LMNTD1: variants seen among roughly 807,000 people sequenced by gnomAD.
LMNTD1 encodes lamin tail domain containing 1, also known as lamin tail domain-containing protein 1.
Under a neutral mutation model 50.9 loss-of-function variants are expected in LMNTD1, and 35 were observed. The observed-to-expected ratio is 0.69, with a 90% CI of 0.53 to 0.91. The LOEUF (loss-of-function observed/expected upper bound fraction) is 0.91. Ranked by LOEUF, LMNTD1 falls within the 40% of genes least tolerant of loss-of-function variation. The probability of loss-of-function intolerance (pLI) is 0.00; values close to 1 mark genes in which losing one functional copy is unlikely to be tolerated. For synonymous variants in LMNTD1, 153 were observed against 161.9 expected (o/e 0.94, Z 0.42); for missense variants, 470 against 475.5 (o/e 0.99, Z 0.11).
Position 25,575,407 on chromosome 12 carries a change from G to A in LMNTD1, c.59-28853C>T, listed in dbSNP as rs1437877477. On this transcript the variant is annotated intron_variant, in intron 1 of 7. Coordinates refer to the LMNTD1 transcript ENST00000445693. ...CTGGTAGTGTCCCTAGTTAACTGTT[G>A]GAAATAAATGCTTCCATAAGAGATT... Among the ~76,000 whole-genome samples the A allele has an allele frequency of 2.0e-5, 3 of 152,068 alleles. No homozygotes were observed. The East Asian group carries it at 5.8e-4, about 29-fold the overall frequency.
intron 9 of LMNTD1, among the ~76,000 whole-genome samples, chr12:25,480,558 A>G (rs1165414246): frequency 1.3e-5 from 2 of 152,200 alleles, no homozygotes; most frequent in Admixed American, 6.5e-5. Context: ...GTCTTGGCCA[A>G]TGCAGATCAT....
intron 4 of LMNTD1, among the ~76,000 whole-genome samples, chr12:25,536,223 C>T (rs1242636065): frequency 1.3e-5 from 2 of 152,148 alleles, no homozygotes; most frequent in African/African-American, 4.8e-5. Flanking sequence ...TATCAACCAA[C>T]ATGACATGGT....
In LMNTD1 at chr12:25,622,985, G is replaced by A. The variant is rs142997247; in HGVS notation, c.58+25509C>T. On this transcript the variant is annotated intron_variant, in intron 1 of 7. Transcript: ENST00000445693. ...AATCAGAAATAAGCTGGCGGACGACGGGGAAGGAGAAAAGCTCTAATAGAG... is the reference window on the plus strand; with the variant it reads ...AATCAGAAATAAGCTGGCGGACGACAGGGAAGGAGAAAAGCTCTAATAGAG... Among the ~76,000 whole-genome samples the A allele has an allele frequency of 4.1e-3, 620 of 150,106 alleles. 3 individuals carry two copies. The highest frequency in any genetic ancestry group is 0.014 in the African/African-American group (578 of 40,526).
chr12:25,483,490 G>A, intron 9 of LMNTD1, among the ~76,000 whole-genome samples: 1 of 151,776 alleles, frequency 6.6e-6, no homozygotes, highest in East Asian at 1.9e-4. Flanking sequence ...TGAGTAGTTA[G>A]GCTGGGCATG....
At chr12:25,638,113 G>GA (rs1946875439) in intron 1 of LMNTD1, among the ~76,000 whole-genome samples, 1 of 151,680 alleles carries the variant, frequency 6.6e-6, no homozygotes, top group African/African-American at 2.4e-5. Context: ...TAAAAAAACA[G>GA]AAAAAAAGCT....
rs193027091 is a variant in LMNTD1 at position 25,520,910 on chromosome 12, G to A, written c.799-835C>T. Among the ~76,000 whole-genome samples the A allele has an allele frequency of 1.2e-3, 189 of 152,336 alleles. 1 individual carries two copies. Among genetic ancestry groups the A allele is most frequent in the Non-Finnish European group, 8.4e-4 (57 of 68,026 alleles). On this transcript the variant is annotated intron_variant, in intron 6 of 9. Coordinates refer to ENST00000458174, the MANE Select transcript of LMNTD1 (RefSeq NM_001145728.2). ...TTTGGAATAACCATCCTTATGAAGT[G>A]TGAAGTGATAGCTCATAACGATTTT...
intron 9 of LMNTD1, among the ~76,000 whole-genome samples, chr12:25,488,176 G>C (rs1040581586): frequency 7.8e-5 from 11 of 141,690 alleles, no homozygotes; most frequent in African/African-American, 2.5e-4. Flanking sequence ...CTGAACGTTG[G>C]CCTGCCTTGC....
At chr12:25,561,814 T>C (rs1216778380) in intron 1 of LMNTD1, among the ~76,000 whole-genome samples, 5 of 152,196 alleles carry the variant, frequency 3.3e-5, no homozygotes, top group African/African-American at 1.2e-4. Flanking sequence ...GCTTTATGAA[T>C]CTGGGTGCTC....
intron 4 of LMNTD1, among the ~76,000 whole-genome samples, chr12:25,545,100 T>G (rs907389523): frequency 2.0e-5 from 3 of 151,642 alleles, no homozygotes; most frequent in African/African-American, 4.8e-5. Flanking sequence ...AACATTAGTG[T>G]TTTTTTGTTT....
chr12:25,533,777 G>A (rs1488126066), intron 4 of LMNTD1, among the ~76,000 whole-genome samples: 11 of 152,156 alleles, frequency 7.2e-5, no homozygotes, highest in African/African-American at 1.7e-4. Context: ...ACATCACTAC[G>A]ACAAGGTTCT....
At chr12:25,521,911 C>T (rs1448483053) in intron 6 of LMNTD1, among the ~76,000 whole-genome samples, 4 of 152,156 alleles carry the variant, frequency 2.6e-5, no homozygotes, top group African/African-American at 4.8e-5. Flanking sequence ...ACAACATACA[C>T]GTGCAAAAAT....
At chr12:25,581,379 C>G (rs1945280308) in intron 1 of LMNTD1, among the ~76,000 whole-genome samples, 1 of 152,142 alleles carries the variant, frequency 6.6e-6, no homozygotes. Flanking sequence ...ATGTAGTTGG[C>G]AGGTCAGCTG....
At chr12:25,477,912 A>G (rs1237774164) in intron 9 of LMNTD1, among the ~76,000 whole-genome samples, 3 of 152,164 alleles carry the variant, frequency 2.0e-5, no homozygotes, top group Admixed American at 2.0e-4. Flanking sequence ...AAGGAAAGCC[A>G]GTCTGAGTTC....
At chr12:25,645,399 A>T (rs1397165486) in intron 1 of LMNTD1, among the ~76,000 whole-genome samples, 5 of 152,140 alleles carry the variant, frequency 3.3e-5, no homozygotes. Context: ...AGGGTAAGGG[A>T]GTTGAAAGGA....
At chr12:25,626,581 T>TTCCTAACAGTAC (rs1326096007) in intron 1 of LMNTD1, among the ~76,000 whole-genome samples, 1 of 152,200 alleles carries the variant, frequency 6.6e-6, no homozygotes, top group Non-Finnish European at 1.5e-5. Context: ...TAGGCTGAAT[T>TTCCTAACAGTAC]TCCTAACAGT....
chr12:25,633,038 A>T (rs1176764914), intron 1 of LMNTD1, among the ~76,000 whole-genome samples: 2 of 121,172 alleles, frequency 1.7e-5, no homozygotes, highest in Non-Finnish European at 4.2e-5. Context: ...ATCAGAAAAA[A>T]AAAAACAAAC....
chr12:25,576,374 A>G (rs1338210560), intron 1 of LMNTD1, among the ~76,000 whole-genome samples: 1 of 152,142 alleles, frequency 6.6e-6, no homozygotes, highest in Non-Finnish European at 1.5e-5. Flanking sequence ...CTTTTTAATG[A>G]TCGCCATTCT....
rs1335008644 is a variant in LMNTD1, at chr12:25,607,311, G to A, written c.58+41183C>T. Among the ~76,000 whole-genome samples, 30 of 151,990 alleles carry A rather than the reference G, an allele frequency of 2.0e-4. No individual in the cohort carries two copies. In the East Asian group the frequency reaches 2.7e-3, roughly 14 times the overall value. On this transcript the variant is annotated intron_variant, in intron 1 of 7. Coordinates refer to the LMNTD1 transcript ENST00000445693. ...CCTGGATTCATTGATTTTTTGAAGG[G>A]TTTTTTTGTGTCTCTATCTCCTTCA... is the stretch of plus-strand genomic sequence containing the variant.
At chr12:25,530,418 T>C (rs1942140577) in intron 4 of LMNTD1, among the ~76,000 whole-genome samples, 1 of 152,182 alleles carries the variant, frequency 6.6e-6, no homozygotes, top group Admixed American at 6.5e-5. Context: ...CTTTTAAACG[T>C]TTCAATAATT....
Sources: gnomAD v4.1 joint callset for allele counts (sites outside exome capture counted in the v4.1 genomes callset) on GRCh38, gnomAD v4.1.1 for gene constraint, MANE v1.5 for transcripts, NCBI Gene and HGNC (gene_info 2026-07-23, HGNC 2026-07-21) for gene names.